Variants in FRAS1 observed in about 807,000 individuals in gnomAD.
FRAS1 encodes Fraser extracellular matrix complex subunit 1, also known as extracellular matrix organizing protein FRAS1.
In FRAS1, 290 loss-of-function variants were observed where a neutral mutation model predicts 435.2. The observed-to-expected ratio is 0.67, with a 90% CI of 0.61 to 0.73. The LOEUF (loss-of-function observed/expected upper bound fraction) is 0.73. FRAS1 is among the 30% of genes least tolerant of loss of function. The pLI, the probability that FRAS1 is intolerant of heterozygous loss-of-function variation, is 0.00. For missense variants in FRAS1, 4,860 were observed against 5,001.5 expected (o/e 0.97, Z 0.85); for synonymous variants, 1,800 against 1,851.0 (o/e 0.97, Z 0.71).
At chr4:78,087,571 G>C (rs925850383) in intron 2 of FRAS1, among the ~76,000 whole-genome samples, 1 of 152,166 alleles carries the variant, frequency 6.6e-6, no homozygotes, top group Admixed American at 6.5e-5. Context: ...AGCAACTTCA[G>C]CAAAATCTCA....
chr4:78,407,413 A>G (rs1014146947), intron 30 of FRAS1, among the ~76,000 whole-genome samples: 10 of 152,258 alleles, frequency 6.6e-5, no homozygotes, highest in African/African-American at 2.2e-4. Flanking sequence ...TAAGTCAGTA[A>G]CTTCATACAT....
intron 2 of FRAS1, among the ~76,000 whole-genome samples, chr4:78,231,140 A>G (rs987171627): frequency 5.9e-5 from 9 of 151,940 alleles, no homozygotes; most frequent in Non-Finnish European, 8.8e-5. Flanking sequence ...TATTTTTAGT[A>G]GCGATGGGGC....
In FRAS1 at chr4:78,494,305, A is replaced by T. The variant is rs79416245; in HGVS notation, c.8959-2500A>T. Among the ~76,000 whole-genome samples, 40 of 152,300 alleles carry T rather than the reference A, an allele frequency of 2.6e-4. No individual in the cohort carries two copies. The East Asian group carries it at 7.7e-3, about 29-fold the overall frequency. ...TATGTCTTAGTCGATTTGCATTGCT[A>T]TAAAGGAATACCTGAGGCTGGGTAG... On this transcript the variant is annotated intron_variant, in intron 59 of 73. Coordinates refer to ENST00000512123, the MANE Select transcript of FRAS1 (RefSeq NM_025074.7).
At chr4:78,456,909 G>C (rs1438591529) in intron 47 of FRAS1, among the ~76,000 whole-genome samples, 1 of 152,136 alleles carries the variant, frequency 6.6e-6, no homozygotes, top group Non-Finnish European at 1.5e-5. Flanking sequence ...AATCAGCAGA[G>C]CTCCAAGAGA....
intron 45 of FRAS1, among the ~76,000 whole-genome samples, chr4:78,450,775 A>C (rs1014140140): frequency 6.6e-6 from 1 of 152,184 alleles, no homozygotes; most frequent in Non-Finnish European, 1.5e-5. Flanking sequence ...CATAAATCGG[A>C]GCTGCCTAGG....
chr4:78,298,026 C>G (rs936754394), intron 14 of FRAS1, among the ~76,000 whole-genome samples: 1 of 113,370 alleles, frequency 8.8e-6, no homozygotes, highest in Non-Finnish European at 1.8e-5. Context: ...CTCTCTCTCT[C>G]TCTCTATATA....
At position 78,541,282 on chromosome 4, in the gene FRAS1, A is replaced by T; in HGVS notation, c.*158A>T. 2.3e-6 allele frequency: 1 copy of T among 433,442 alleles called. No individual in the cohort carries two copies. The highest frequency in any genetic ancestry group is 4.0e-6 in the Non-Finnish European group (1 of 250,832). The allele number at this position is 433,442 out of a possible 1,614,324, so 26.8% of individuals were successfully genotyped here. A position where few individuals can be genotyped will look rare whatever the true frequency, so the allele number is the denominator to read the frequency against. On this transcript the variant is annotated 3_prime_UTR_variant, in exon 74 of 74. Coordinates refer to ENST00000512123, the MANE Select transcript of FRAS1 (RefSeq NM_025074.7). The stretch of plus-strand genomic sequence containing the variant: ...CATCAACTCACAACTGAGCTACCTC[A>T]TTCAGCAAAGAACCACTGAGAACCC...
At chr4:78,115,143 G>A (rs1225179511) in intron 2 of FRAS1, among the ~76,000 whole-genome samples, 5 of 151,118 alleles carry the variant, frequency 3.3e-5, no homozygotes, top group Non-Finnish European at 7.4e-5. Context: ...ATTGATTTTT[G>A]TATGTTGAAC....
intron 9 of FRAS1, among the ~76,000 whole-genome samples, chr4:78,276,702 G>A (rs577150005): frequency 6.6e-5 from 10 of 152,366 alleles, no homozygotes; most frequent in East Asian, 3.9e-4. Context: ...GCACCCGGCC[G>A]TGTGAGGTGT....
At chr4:78,238,153 C>G (rs776411531) in intron 3 of FRAS1, among the ~76,000 whole-genome samples, 4 of 151,922 alleles carry the variant, frequency 2.6e-5, no homozygotes, top group Non-Finnish European at 5.9e-5. Flanking sequence ...TATTATTGTG[C>G]TACTATTGGG....
At chr4:78,145,228 C>T (rs1244143698) in intron 2 of FRAS1, among the ~76,000 whole-genome samples, 2 of 152,040 alleles carry the variant, frequency 1.3e-5, no homozygotes, top group Admixed American at 6.6e-5. Flanking sequence ...TCAGGGCTTT[C>T]GAAGTGAGGA....
intron 73 of FRAS1, 72 bp downstream of exon 73, chr4:78,539,512 A>C: frequency 8.4e-7 from 1 of 1,188,786 alleles, no homozygotes; most frequent in Non-Finnish European, 1.2e-6. Context: ...AAAAAAAAGA[A>C]GGAGGACTGC....
chr4:78,360,349 A>C (rs902835524), intron 20 of FRAS1, among the ~76,000 whole-genome samples: 1 of 152,174 alleles, frequency 6.6e-6, no homozygotes, highest in East Asian at 1.9e-4. Context: ...TGAAGTGAGG[A>C]GTTAGAGAGG....
intron 58 of FRAS1, among the ~76,000 whole-genome samples, chr4:78,484,494 T>C (rs1720110105): frequency 6.6e-6 from 1 of 152,206 alleles, no homozygotes; most frequent in South Asian, 2.1e-4. Context: ...ATCATTTTTC[T>C]ATTATGGATC....
At chr4:78,361,234 T>C (rs910463087) in intron 20 of FRAS1, among the ~76,000 whole-genome samples, 1 of 152,212 alleles carries the variant, frequency 6.6e-6, no homozygotes. Context: ...AAGGAAGGCA[T>C]AGGGAAGAGA....
chr4:78,340,889 T>C (rs1730372957), intron 20 of FRAS1, among the ~76,000 whole-genome samples: 1 of 152,238 alleles, frequency 6.6e-6, no homozygotes, highest in Non-Finnish European at 1.5e-5. Context: ...ACCCATCCTT[T>C]AATATCCTTA....
At chr4:78,304,615 T>G (rs556689813) in intron 14 of FRAS1, among the ~76,000 whole-genome samples, 11,537 of 151,858 alleles carry the variant, frequency 0.076, 1,417 homozygotes, top group African/African-American at 0.26. Context: ...TGTCGAGGAA[T>G]TTACCCATTT....
chr4:78,456,297 C>A (rs749705592), intron 47 of FRAS1, among the ~76,000 whole-genome samples: 65 of 152,000 alleles, frequency 4.3e-4, no homozygotes, highest in Non-Finnish European at 8.4e-4. Flanking sequence ...CACACACCCC[C>A]ACACCTGGCT....
rs141956236 is a variant in FRAS1, at chr4:78,264,969, T to A, written c.604-56T>A. ...GGCTGTGAATGAAATTTTCCTGCTGTTGTGGATCTTATTAATATCACTTTG... is the reference window on the plus strand; with the variant it reads ...GGCTGTGAATGAAATTTTCCTGCTGATGTGGATCTTATTAATATCACTTTG... On this transcript the variant is annotated intron_variant, in intron 6 of 73. Transcript: ENST00000512123. The A allele has an allele frequency of 2.1e-4, 228 of 1,060,504 alleles. No individual in the cohort carries two copies. The African/African-American group carries it at 2.7e-3, about 13-fold the overall frequency. 65.7% of individuals were successfully genotyped at this position (1,060,504 alleles called of 1,614,324 possible). A position where few individuals can be genotyped will look rare whatever the true frequency, so the allele number is the denominator to read the frequency against.
Sources: gnomAD v4.1 joint callset for allele counts (sites outside exome capture counted in the v4.1 genomes callset) on GRCh38, gnomAD v4.1.1 for gene constraint, MANE v1.5 for transcripts, NCBI Gene and HGNC (gene_info 2026-07-23, HGNC 2026-07-21) for gene names.